The following PRDM16 variants were observed in gnomAD, a reference collection of about 807,000 sequenced individuals.
The protein encoded by PRDM16 is PR/SET domain 16, also known as histone-lysine N-methyltransferase PRDM16.
Under a neutral mutation model 110.6 loss-of-function variants are expected in PRDM16, and 23 were observed. That is an observed-to-expected ratio of 0.21 (90% CI 0.15 to 0.29). The LOEUF is 0.29. PRDM16 is among the 10% of genes least tolerant of loss of function. The probability of loss-of-function intolerance (pLI) is 1.00; values close to 1 mark genes in which losing one functional copy is unlikely to be tolerated. For synonymous variants in PRDM16, 799 were observed against 781.8 expected, an observed-to-expected ratio of 1.02 and a Z score of -0.37; for missense variants, 1,615 against 1,794.3, an observed-to-expected ratio of 0.90 and a Z score of 1.81.
intron 3 of PRDM16, among the ~76,000 whole-genome samples, chr1:3,253,004 G>A (rs1020279929): frequency 2.0e-5 from 3 of 152,136 alleles, no homozygotes; most frequent in Admixed American, 6.5e-5. Flanking sequence ...CACCAGCCGC[G>A]TGTGCAGGAA....
chr1:3,180,550 G>A (rs997834429), intron 1 of PRDM16, among the ~76,000 whole-genome samples: 1 of 152,160 alleles, frequency 6.6e-6, no homozygotes, highest in African/African-American at 2.4e-5. Context: ...AGGGCCCGAG[G>A]GCCGCAAAAG....
chr1:3,384,658 A>C (rs1643164954), intron 3 of PRDM16, among the ~76,000 whole-genome samples: 1 of 152,202 alleles, frequency 6.6e-6, no homozygotes, highest in African/African-American at 2.4e-5. Context: ...AGGAAACCAG[A>C]TGCTTTTCTT....
At position 3,259,363 on chromosome 1, in the gene PRDM16, G is replaced by A. The variant is rs149314160; in HGVS notation, c.438+15226G>A. The stretch of plus-strand genomic sequence containing the variant: ...GCCTGGGCGTGGCAGCACCCTCCGT[G>A]TGCAAAGTCAGGCCATATTGGGCTC... On this transcript the variant is annotated intron_variant, in intron 3 of 16. Transcript: ENST00000270722. Among the ~76,000 whole-genome samples, 583 of 152,326 alleles carry A rather than the reference G, an allele frequency of 3.8e-3. 4 individuals are homozygous for A. Among genetic ancestry groups the A allele is most frequent in the African/African-American group, 0.013 (550 of 41,572 alleles).
At chr1:3,326,164 G>A (rs1016256043) in intron 3 of PRDM16, among the ~76,000 whole-genome samples, 7 of 150,748 alleles carry the variant, frequency 4.6e-5, no homozygotes, top group African/African-American at 1.5e-4. Context: ...GGCCATCCTC[G>A]ACCATCCTTG....
chr1:3,224,548 C>T lies in PRDM16; in HGVS notation c.388-19539C>T, dbSNP rs11805422. On this transcript the variant is annotated intron_variant, in intron 2 of 16. Transcript: ENST00000270722. ...CTCTCTCCCTCTCCCCTTCCACACGCGCTCGGGGCTTCGGCCAGTGCTTTT... is the reference window on the plus strand; with the variant it reads ...CTCTCTCCCTCTCCCCTTCCACACGTGCTCGGGGCTTCGGCCAGTGCTTTT... Among the ~76,000 whole-genome samples, 1,096 of 152,338 alleles carry T rather than the reference C, an allele frequency of 7.2e-3. 15 individuals carry two copies. Among genetic ancestry groups the T allele is most frequent in the African/African-American group, 0.025 (1,027 of 41,574 alleles).
At chr1:3,381,403 T>G (rs1375606028) in intron 3 of PRDM16, among the ~76,000 whole-genome samples, 5 of 137,998 alleles carry the variant, frequency 3.6e-5, no homozygotes, top group Admixed American at 2.1e-4. Context: ...TTTTCTGGTT[T>G]TTTTTTTTTT....
At chr1:3,131,364 T>C (rs1350766242) in intron 1 of PRDM16, among the ~76,000 whole-genome samples, 1 of 152,188 alleles carries the variant, frequency 6.6e-6, no homozygotes, top group African/African-American at 2.4e-5. Context: ...GACTGGACGC[T>C]TTATAACCTT....
At chr1:3,407,828 C>T (rs1643587331) in intron 8 of PRDM16, among the ~76,000 whole-genome samples, 1 of 152,252 alleles carries the variant, frequency 6.6e-6, no homozygotes, top group Non-Finnish European at 1.5e-5. Context: ...ACTCAACTGG[C>T]CCTGCCCCGC....
chr1:3,173,495 G>T (rs1644051737), intron 1 of PRDM16, among the ~76,000 whole-genome samples: 1 of 152,246 alleles, frequency 6.6e-6, no homozygotes, highest in Non-Finnish European at 1.5e-5. Context: ...CCCGACAGAG[G>T]CCTCCGTGGC....
chr1:3,155,780 C>G (rs1643851181), intron 1 of PRDM16, among the ~76,000 whole-genome samples: 1 of 152,246 alleles, frequency 6.6e-6, no homozygotes, highest in Non-Finnish European at 1.5e-5. Context: ...CAGTGAGAGA[C>G]CAGCCTGGCC....
At chr1:3,188,613 G>A (rs1230896315) in intron 2 of PRDM16, among the ~76,000 whole-genome samples, 4 of 152,216 alleles carry the variant, frequency 2.6e-5, no homozygotes, top group African/African-American at 7.2e-5. Flanking sequence ...CTCTCCCCCC[G>A]ACGCCCTCAA....
At chr1:3,181,803 C>T (rs1264775419) in intron 1 of PRDM16, among the ~76,000 whole-genome samples, 2 of 142,196 alleles carry the variant, frequency 1.4e-5, no homozygotes, top group Non-Finnish European at 3.1e-5. Flanking sequence ...TGCAGTCTTA[C>T]ACACGGTCTT....
chr1:3,246,200 C>T lies in PRDM16; in HGVS notation c.438+2063C>T, dbSNP rs1639786904. Among the ~76,000 whole-genome samples the T allele has an allele frequency of 6.6e-6, 1 of 152,170 alleles. No individual in the cohort carries two copies. Among genetic ancestry groups the T allele is most frequent in the Non-Finnish European group, 1.5e-5 (1 of 68,028 alleles). ...TTGCCTTTGTGTCTTATATGTGTGG[C>T]CATTAGGTCTCGCTCAGTGTGGCCC... is the stretch of plus-strand genomic sequence containing the variant. On this transcript the variant is annotated intron_variant, in intron 3 of 16. Transcript: ENST00000270722. This position sits in a 1 kb window ranked among gnomAD's most constrained non-coding sequence, Gnocchi z 5.2.
chr1:3,089,960 T>C (rs1374055912), intron 1 of PRDM16, among the ~76,000 whole-genome samples: 1 of 152,182 alleles, frequency 6.6e-6, no homozygotes, highest in African/African-American at 2.4e-5. Context: ...GTTCCATGAC[T>C]TTTTACGGGT....
intron 5 of PRDM16, among the ~76,000 whole-genome samples, chr1:3,398,319 G>A (rs916868138): frequency 6.6e-6 from 1 of 151,906 alleles, no homozygotes; most frequent in Non-Finnish European, 1.5e-5. Context: ...AAACATTTGT[G>A]GGCTAATTGC....
intron 3 of PRDM16, among the ~76,000 whole-genome samples, chr1:3,256,015 G>A (rs1640038694): frequency 6.6e-6 from 1 of 152,190 alleles, no homozygotes; most frequent in African/African-American, 2.4e-5. Context: ...CAGGTATGTG[G>A]CACAGTGACA....
rs118015130 is a variant in PRDM16, at chr1:3,259,662, T to C, written c.438+15525T>C. ...GCAAGAGGGGACCCAGTGAAGTGTT[T>C]TGCAGCGTAGCCTGCAGCCCCGCAT... is the stretch of plus-strand genomic sequence containing the variant. On this transcript the variant is annotated intron_variant, in intron 3 of 16. Coordinates refer to ENST00000270722, the MANE Select transcript of PRDM16 (RefSeq NM_022114.4). Among the ~76,000 whole-genome samples, 6 of 152,316 alleles carry C rather than the reference T, an allele frequency of 3.9e-5. No individual in the cohort carries two copies. The East Asian group carries it at 1.2e-3, about 29-fold the overall frequency.
intron 1 of PRDM16, among the ~76,000 whole-genome samples, chr1:3,130,812 T>A (rs1643319118): frequency 6.7e-6 from 1 of 148,288 alleles, no homozygotes; most frequent in Non-Finnish European, 1.5e-5. Flanking sequence ...TTTTTTTTAA[T>A]TTTTTATCTT....
At chr1:3,280,201 A>G (rs1557578163) in intron 3 of PRDM16, among the ~76,000 whole-genome samples, 1 of 152,148 alleles carries the variant, frequency 6.6e-6, no homozygotes, top group African/African-American at 2.4e-5. Flanking sequence ...CTTAGTGCCA[A>G]GTCTGTGGCT....
Sources: gnomAD v4.1 joint callset for allele counts (sites outside exome capture counted in the v4.1 genomes callset) on GRCh38, gnomAD v4.1.1 for gene constraint, Gnocchi (gnomAD v3.1) non-coding constraint, MANE v1.5 for transcripts, NCBI Gene and HGNC (gene_info 2026-07-23, HGNC 2026-07-21) for gene names.